Variants in PTPRN2 observed in about 807,000 individuals in gnomAD.
PTPRN2 encodes the protein receptor-type tyrosine-protein phosphatase N2.
Under a neutral mutation model 118.8 loss-of-function variants are expected in PTPRN2, and 74 were observed. That is an observed-to-expected ratio of 0.62 (90% CI 0.52 to 0.76). PTPRN2 has a LOEUF of 0.76. Among genes scored for constraint, PTPRN2 ranks in the 30% least tolerant of loss-of-function variants. The pLI is 0.00. For synonymous variants in PTPRN2, 641 were observed against 608.0 expected (o/e 1.05, Z -0.80); for missense variants, 1,481 against 1,394.4 (o/e 1.06, Z -0.99).
In PTPRN2 at chr7:158,133,946, C is replaced by G. The variant is rs765803959; in HGVS notation, c.1287G>C (p.Glu429Asp). 1.2e-6 allele frequency: 2 copies of G among 1,614,064 alleles called. No homozygotes were observed. The highest frequency in any genetic ancestry group is 4.5e-5 in the East Asian group (2 of 44,890). The change falls in exon 9 of 23, where the codon GAG becomes GAC. Residue 429 changes from glutamate to aspartate, a missense_variant. Around this residue, in one of 3 missense-constraint regions of PTPRN2, gnomAD observed 1,115 missense variants for 994.2 expected, o/e 1.12. Transcript: ENST00000389418. ...RPLDMERKKS[E>D]HPESSLSSEE... is the part of the protein sequence containing the mutation. ...CTGAAGACAGGGAAGACTCAGGGTG[C>G]TCGGACTTCTTCCTCTCCATGTCGA... is the stretch of plus-strand genomic sequence containing the variant.
intron 2 of PTPRN2, among the ~76,000 whole-genome samples, chr7:158,397,949 A>G (rs1395690665): frequency 1.3e-5 from 2 of 152,158 alleles, no homozygotes; most frequent in Non-Finnish European, 2.9e-5. Context: ...GATAACAAGG[A>G]GTAGGAACCG....
At chr7:158,489,884 G>T (rs773125649) in intron 1 of PTPRN2, 99 bp from the exon 2 acceptor site, 15 of 1,155,218 alleles carry the variant, frequency 1.3e-5, no homozygotes, top group Non-Finnish European at 1.7e-5. Context: ...CAGAGAAACC[G>T]CCGGTCAAGC....
chr7:157,563,581 G>C (rs1276347458), intron 21 of PTPRN2, among the ~76,000 whole-genome samples: 4 of 137,176 alleles, frequency 2.9e-5, no homozygotes, highest in Admixed American at 1.5e-4. Context: ...AGGACCACGT[G>C]CTCCCGCATC....
chr7:158,264,570 G>A (rs575729333), intron 3 of PTPRN2, among the ~76,000 whole-genome samples: 24 of 152,174 alleles, frequency 1.6e-4, no homozygotes, highest in Non-Finnish European at 3.2e-4. Flanking sequence ...GTGACAGTGG[G>A]GACCATCGAG....
chr7:157,686,632 G>C (rs144845397), intron 12 of PTPRN2, among the ~76,000 whole-genome samples: 244 of 152,334 alleles, frequency 1.6e-3, no homozygotes, highest in African/African-American at 4.7e-3. Context: ...TATCAGTCTT[G>C]ACTTGAAATT....
intron 12 of PTPRN2, 67 bp downstream of exon 12, chr7:157,898,606 C>T (rs781191380): frequency 1.2e-5 from 18 of 1,449,262 alleles, no homozygotes; most frequent in African/African-American, 7.0e-5. Flanking sequence ...TCTGTTCTCA[C>T]GGTGTTCGCC....
intron 5 of PTPRN2, among the ~76,000 whole-genome samples, chr7:158,181,469 G>T (rs558762844): frequency 1.1e-4 from 16 of 152,248 alleles, no homozygotes; most frequent in African/African-American, 3.9e-4. Flanking sequence ...AGTTAGGGAG[G>T]ATTCTCTCTG....
chr7:157,804,042 T>C (rs572405369), intron 12 of PTPRN2, among the ~76,000 whole-genome samples: 2 of 152,364 alleles, frequency 1.3e-5, no homozygotes, highest in Admixed American at 1.3e-4. Flanking sequence ...ATAATATTGA[T>C]GTATCCTTAT....
chr7:157,958,872 A>G (rs1263819225), intron 11 of PTPRN2, among the ~76,000 whole-genome samples: 1 of 152,238 alleles, frequency 6.6e-6, no homozygotes, highest in East Asian at 1.9e-4. Context: ...AAAAATATTG[A>G]TATTTTTTCA....
At position 158,407,676 on chromosome 7, in the gene PTPRN2, G is replaced by T. The variant is rs62478434; in HGVS notation, c.163+82059C>A. ...CCTGCATCCTGCGTCCTGCGTCCTG[G>T]GTCCTGGGTCCTGGGTCCTGCGTCC... On this transcript the variant is annotated intron_variant, in intron 2 of 22. Coordinates refer to ENST00000389418, the MANE Select transcript of PTPRN2 (RefSeq NM_002847.5). Among the ~76,000 whole-genome samples the T allele has an allele frequency of 2.3e-5, 2 of 85,650 alleles. 1 individual carries two copies. Among genetic ancestry groups the T allele is most frequent in the East Asian group, 6.9e-4 (2 of 2,882 alleles). The allele number at this position is 85,650 out of a possible 152,430, so 56.2% of individuals were successfully genotyped here. A position where few individuals can be genotyped will look rare whatever the true frequency, so the allele number is the denominator to read the frequency against.
intron 6 of PTPRN2, among the ~76,000 whole-genome samples, chr7:158,163,454 T>C (rs574864192): frequency 6.6e-6 from 1 of 151,146 alleles, no homozygotes; most frequent in Non-Finnish European, 1.5e-5. Flanking sequence ...TGTACCGGGT[T>C]CTCAATATTC....
chr7:158,002,415 G>A (rs1209320078), intron 11 of PTPRN2, among the ~76,000 whole-genome samples: 1 of 152,210 alleles, frequency 6.6e-6, no homozygotes, highest in African/African-American at 2.4e-5. Flanking sequence ...GGGAAATGTT[G>A]TAAACTAAAA....
chr7:158,546,958 C>T lies in PTPRN2; in HGVS notation c.112+40600G>A, dbSNP rs1402289103. Among the ~76,000 whole-genome samples, 3 of 152,130 alleles carry T rather than the reference C, an allele frequency of 2.0e-5. No homozygotes were observed. Among genetic ancestry groups the T allele is most frequent in the Admixed American group, 2.0e-4 (3 of 15,284 alleles). On this transcript the variant is annotated intron_variant, in intron 1 of 22. Coordinates refer to ENST00000389418, the MANE Select transcript of PTPRN2 (RefSeq NM_002847.5). The surrounding 1 kb of genome is among the most constrained non-coding windows in gnomAD (Gnocchi z 5.0). ...GCCATCTTCAGGGCCCCAGGTGAGG[C>T]CACAGCCAGCCCATGCAGAGCTCAG...
chr7:157,870,103 G>A (rs896091370), intron 12 of PTPRN2, among the ~76,000 whole-genome samples: 1 of 152,138 alleles, frequency 6.6e-6, no homozygotes, highest in South Asian at 2.1e-4. Context: ...AATTTCCATT[G>A]AAAGCTCTGC....
chr7:158,096,458 T>A (rs1192367918), intron 10 of PTPRN2, among the ~76,000 whole-genome samples: 1 of 152,232 alleles, frequency 6.6e-6, no homozygotes, highest in Non-Finnish European at 1.5e-5. Context: ...AATCAAATCA[T>A]GGGATTCACT....
chr7:158,303,195 G>A (rs896770), intron 3 of PTPRN2, among the ~76,000 whole-genome samples: 138,605 of 151,352 alleles, frequency 0.92, 63,594 homozygotes, highest in Middle Eastern at 0.96. Context: ...ATTCTTTGGA[G>A]TCTTCAGTAA....
intron 2 of PTPRN2, among the ~76,000 whole-genome samples, chr7:158,467,226 A>G (rs1222828282): frequency 6.6e-6 from 1 of 151,676 alleles, no homozygotes; most frequent in African/African-American, 2.4e-5. Context: ...AAAATGTTCT[A>G]TTCAGGTTCT....
intron 12 of PTPRN2, among the ~76,000 whole-genome samples, chr7:157,877,926 G>T (rs551140894): frequency 6.6e-6 from 1 of 152,220 alleles, no homozygotes; most frequent in Non-Finnish European, 1.5e-5. Flanking sequence ...TTTAAAATGT[G>T]TGTGAATATA....
At chr7:157,896,526 G>A (rs768370608) in intron 12 of PTPRN2, among the ~76,000 whole-genome samples, 27 of 151,434 alleles carry the variant, frequency 1.8e-4, no homozygotes, top group South Asian at 1.5e-3. Flanking sequence ...AAGGAGCTCC[G>A]TTGTGAGTGG....
Sources: allele counts gnomAD v4.1 joint callset (sites outside exome capture counted in the v4.1 genomes callset), GRCh38; gene constraint gnomAD v4.1.1; regional missense constraint gnomAD v4.1.1; non-coding constraint Gnocchi (gnomAD v3.1); transcripts MANE v1.5; gene names NCBI Gene and HGNC (gene_info 2026-07-23, HGNC 2026-07-21).